FGD3: variants seen among roughly 807,000 people sequenced by gnomAD.
FGD3 encodes FYVE, RhoGEF and PH domain-containing protein 3.
In FGD3, 45 loss-of-function variants were observed where a neutral mutation model predicts 71.8. That is an observed-to-expected ratio of 0.63 (90% CI 0.49 to 0.80). The LOEUF is 0.80. FGD3 is among the 30% of genes least tolerant of loss of function. FGD3 has a pLI of 0.00. For missense variants in FGD3, 844 were observed against 951.5 expected, an observed-to-expected ratio of 0.89 and a Z score of 1.49; for synonymous variants, 378 against 392.8, an observed-to-expected ratio of 0.96 and a Z score of 0.44.
At chr9:92,991,774 T>A (rs1564153315) in intron 3 of FGD3, among the ~76,000 whole-genome samples, 1 of 152,216 alleles carries the variant, frequency 6.6e-6, no homozygotes, top group Non-Finnish European at 1.5e-5. Flanking sequence ...ACTATTGTAT[T>A]GGAGGTCTAT....
At chr9:92,952,171 G>A (rs1858965192) in intron 1 of FGD3, among the ~76,000 whole-genome samples, 1 of 151,834 alleles carries the variant, frequency 6.6e-6, no homozygotes, top group Admixed American at 6.6e-5. Flanking sequence ...GGTGACCAGA[G>A]CACATCTCTG....
intron 14 of FGD3, among the ~76,000 whole-genome samples, chr9:93,028,202 ACACACACACACACACG>A (rs1187453985): frequency 1.2e-3 from 95 of 82,434 alleles, no homozygotes; most frequent in Non-Finnish European, 9.3e-4. Flanking sequence ...GCCCCGACAC[ACACACACACACACACG>A]CACACACACA....
intron 3 of FGD3, among the ~76,000 whole-genome samples, chr9:92,977,373 C>G (rs7030160): frequency 0.62 from 94,561 of 151,870 alleles, 29,724 homozygotes; most frequent in African/African-American, 0.69. Context: ...ATGGCCTCAG[C>G]CTCAGAGAAA....
intron 15 of FGD3, 160 bp from the exon 16 acceptor site, chr9:93,032,609 G>T: frequency 1.4e-6 from 1 of 707,238 alleles, no homozygotes. Flanking sequence ...CTCAGACAGG[G>T]CTCCCCTCAA....
chr9:92,976,223 C>G lies in FGD3; in HGVS notation c.-34C>G. ...TCCCCTACAGGAAGCCCCTGGCCAG[C>G]CTCCACCTGAGCCCAGTGAGCTCAG... On this transcript the variant is annotated 5_prime_UTR_variant, in exon 3 of 18. Coordinates refer to ENST00000375482, the MANE Select transcript of FGD3 (RefSeq NM_001083536.2). The G allele has an allele frequency of 6.7e-7, 1 of 1,495,044 alleles. No homozygotes were observed. 92.6% of individuals were successfully genotyped at this position (1,495,044 alleles called of 1,614,324 possible).
chr9:93,029,751 G>C, intron 14 of FGD3, 123 bp from the exon 15 acceptor site: 1 of 1,323,074 alleles, frequency 7.6e-7, no homozygotes, highest in Non-Finnish European at 1.0e-6. Context: ...CCTTCTGCAT[G>C]TTCCACTTTT....
chr9:93,006,467 A>T (rs1184282578), intron 6 of FGD3, among the ~76,000 whole-genome samples: 1 of 152,180 alleles, frequency 6.6e-6, no homozygotes, highest in Non-Finnish European at 1.5e-5. Flanking sequence ...CTATTATCTG[A>T]TGGAACCTGA....
chr9:93,023,410 C>T (rs1225443010), intron 14 of FGD3, among the ~76,000 whole-genome samples: 1 of 152,200 alleles, frequency 6.6e-6, no homozygotes, highest in African/African-American at 2.4e-5. Flanking sequence ...GCGTGGGGGG[C>T]TTGCACATAC....
chr9:92,962,471 G>A (rs1054934649), intron 1 of FGD3, among the ~76,000 whole-genome samples: 1 of 152,220 alleles, frequency 6.6e-6, no homozygotes, highest in African/African-American at 2.4e-5. Context: ...TCCTCAGGGG[G>A]CAGGAGCCAA....
chr9:92,950,836 G>T (rs1302083085), intron 1 of FGD3, among the ~76,000 whole-genome samples: 4 of 152,248 alleles, frequency 2.6e-5, no homozygotes, highest in African/African-American at 9.6e-5. Flanking sequence ...AAGTGACCTG[G>T]GGACGGCTCA....
intron 16 of FGD3, chr9:93,033,314 CT>C (rs1199155058): frequency 2.7e-5 from 7 of 258,612 alleles, no homozygotes; most frequent in African/African-American, 1.5e-4. Context: ...TCTCCTCCTC[CT>C]CCCCGTCCCC....
chr9:93,006,261 T>C (rs1161768972), intron 6 of FGD3, 81 bp downstream of exon 6: 12 of 1,308,500 alleles, frequency 9.2e-6, no homozygotes, highest in African/African-American at 1.5e-5. Context: ...AAAACATATG[T>C]ATATATGTAT....
intron 1 of FGD3, among the ~76,000 whole-genome samples, chr9:92,949,963 T>C (rs964672153): frequency 6.6e-6 from 1 of 151,986 alleles, no homozygotes; most frequent in African/African-American, 2.4e-5. Flanking sequence ...TCCCTTTCTC[T>C]TCTCTGTTTT....
intron 2 of FGD3, 82 bp from the exon 3 acceptor site, chr9:92,976,126 G>C (rs1859742591): frequency 1.2e-6 from 1 of 836,042 alleles, no homozygotes; most frequent in African/African-American, 1.7e-5. Context: ...GGTACTGCCT[G>C]GGAGCTGCAT....
At chr9:92,999,249 C>A (rs1261972695) in intron 3 of FGD3, among the ~76,000 whole-genome samples, 1 of 152,194 alleles carries the variant, frequency 6.6e-6, no homozygotes, top group Non-Finnish European at 1.5e-5. Context: ...AGCAAGGCTC[C>A]GTGGGCGTGG....
chr9:93,022,429 C>A, intron 14 of FGD3, 40 bp downstream of exon 14: 1 of 1,601,604 alleles, frequency 6.2e-7, no homozygotes, highest in Admixed American at 1.7e-5. Context: ...GGGTGAAAGG[C>A]AGAGCAGGGG....
At position 92,997,486 on chromosome 9, in the gene FGD3, AT is replaced by A. The variant is rs1156941937; in HGVS notation, c.454-5437del. ...TAGCCCATTTACATTTAAGTTTAAT[AT>A]TCTTATGTGTGAATTTGATCCTGTC... On this transcript the variant is annotated intron_variant, in intron 3 of 17. Coordinates refer to ENST00000375482, the MANE Select transcript of FGD3 (RefSeq NM_001083536.2). 2.0e-5 allele frequency among the ~76,000 whole-genome samples: 3 copies of A among 152,152 alleles called. No homozygotes were observed. The East Asian group carries it at 5.8e-4, about 29-fold the overall frequency.
rs1346955500 is a variant in FGD3 at position 92,976,426 on chromosome 9, C to T, written c.170C>T (p.Pro57Leu). 6.2e-7 allele frequency: 1 copy of T among 1,611,828 alleles called. No individual in the cohort carries two copies. The highest frequency in any genetic ancestry group is 1.1e-5 in the South Asian group (1 of 90,676). ...CTGGCTGCAGCAGGGGACGGCTCTC[C>T]AGACATAGGCCCCACGGGAGAGCTG... ...VSLAAAGDGS[P>L]DIGPTGELSG... Residue 57 changes from proline to leucine, a missense_variant, in exon 3 of 18, where the codon CCA becomes CTA. Pro to Leu is a moderately conservative substitution (Grantham distance 98). Coordinates refer to ENST00000375482, the MANE Select transcript of FGD3 (RefSeq NM_001083536.2).
At chr9:93,013,459 CA>C (rs1162816299) in intron 8 of FGD3, among the ~76,000 whole-genome samples, 5 of 152,184 alleles carry the variant, frequency 3.3e-5, no homozygotes, top group African/African-American at 9.7e-5. Flanking sequence ...TCACCATGGT[CA>C]GGGGAAGGTG....
Sources: gnomAD v4.1 joint callset for allele counts (sites outside exome capture counted in the v4.1 genomes callset) on GRCh38, gnomAD v4.1.1 for gene constraint, MANE v1.5 for transcripts, NCBI Gene and HGNC (gene_info 2026-07-23, HGNC 2026-07-21) for gene names.